Variants in HLF observed in about 807,000 individuals in gnomAD.
The protein encoded by HLF is hepatic leukemia factor.
In HLF, 3 loss-of-function variants were observed where a neutral mutation model predicts 22.6. The ratio of observed to expected loss-of-function variants is 0.13; its 90% CI spans 0.06 to 0.34. The LOEUF (loss-of-function observed/expected upper bound fraction) is 0.34. Ranked by LOEUF, HLF falls within the 10% of genes least tolerant of loss-of-function variation. HLF has a pLI of 1.00. For synonymous variants in HLF, 151 were observed against 151.8 expected (o/e 0.99, Z 0.04); for missense variants, 299 against 389.2 (o/e 0.77, Z 1.95).
rs1905348071 is a variant in HLF, at chr17:55,323,720, T to C, written c.*2841T>C. ...TAGCAAACAAGGCAGATCTGCTTCA[T>C]GGAGCGGGAGGCCATGGCTTGACTC... On this transcript the variant is annotated 3_prime_UTR_variant, in exon 4 of 4. Coordinates refer to ENST00000226067, the MANE Select transcript of HLF (RefSeq NM_002126.5). 1 of 230,274 alleles carries C rather than the reference T, an allele frequency of 4.3e-6. No homozygotes were observed. The highest frequency in any genetic ancestry group is 5.7e-5 in the Admixed American group (1 of 17,658). 14.3% of individuals were successfully genotyped at this position (230,274 alleles called of 1,614,324 possible). A position where few individuals can be genotyped will look rare whatever the true frequency, so the allele number is the denominator to read the frequency against.
intron 2 of HLF, among the ~76,000 whole-genome samples, chr17:55,295,101 A>G (rs2081100381): frequency 6.6e-6 from 1 of 152,214 alleles, no homozygotes; most frequent in Non-Finnish European, 1.5e-5. Context: ...GCGAAGAGAT[A>G]TAATTAATTG....
At chr17:55,287,129 A>C (rs1008606221) in intron 2 of HLF, among the ~76,000 whole-genome samples, 8 of 152,242 alleles carry the variant, frequency 5.3e-5, no homozygotes, top group Non-Finnish European at 1.2e-4. Flanking sequence ...TGTTGCAATC[A>C]CATTAGTCAT....
rs2081045305 is a variant in HLF, at chr17:55,290,010, T to C, written c.451+21924T>C. The stretch of plus-strand genomic sequence containing the variant: ...CTCACTGGTACAGAATTCCAAGATA[T>C]TTCGCTTTGGAATGTGAAAGGAGTC... On this transcript the variant is annotated intron_variant, in intron 2 of 3. Coordinates refer to ENST00000226067, the MANE Select transcript of HLF (RefSeq NM_002126.5). Among the ~76,000 whole-genome samples the C allele has an allele frequency of 2.6e-5, 4 of 152,316 alleles. No homozygotes were observed. The South Asian group carries it at 8.3e-4, about 32-fold the overall frequency.
At chr17:55,265,976 C>A in intron 1 of HLF, 1 of 446,258 alleles carries the variant, frequency 2.2e-6, no homozygotes, top group Non-Finnish European at 3.0e-6. Flanking sequence ...GGAGGAGAAA[C>A]CCTGGGGCCT....
intron 2 of HLF, among the ~76,000 whole-genome samples, chr17:55,306,239 T>C (rs1051235718): frequency 4.6e-5 from 7 of 152,088 alleles, no homozygotes; most frequent in Non-Finnish European, 1.0e-4. Flanking sequence ...TTGCTGATAT[T>C]GATTATTCAG....
intron 3 of HLF, among the ~76,000 whole-genome samples, chr17:55,315,939 G>A (rs1054373760): frequency 6.6e-6 from 1 of 152,182 alleles, no homozygotes; most frequent in Admixed American, 6.5e-5. Context: ...TGCCAACCTT[G>A]GATGACCAGG....
intron 2 of HLF, among the ~76,000 whole-genome samples, chr17:55,292,231 T>C (rs1364618503): frequency 6.6e-6 from 1 of 152,200 alleles, no homozygotes; most frequent in Non-Finnish European, 1.5e-5. Context: ...TGCTATCAAA[T>C]AACACCGCGT....
Position 55,321,870 on chromosome 17 carries a change from C to G in HLF, c.*991C>G, listed in dbSNP as rs1905273171. On this transcript the variant is annotated 3_prime_UTR_variant, in exon 4 of 4. Coordinates refer to ENST00000226067, the MANE Select transcript of HLF (RefSeq NM_002126.5). ...GTGTTCGGTTTTGTTGTTCCCCTTC[C>G]CTCACACCCTGCCTCGCCCCCACTT... The G allele has an allele frequency of 8.6e-6, 2 of 232,020 alleles. No homozygotes were observed. Among genetic ancestry groups the G allele is most frequent in the Admixed American group, 5.6e-5 (1 of 17,704 alleles). The allele number at this position is 232,020 out of a possible 1,614,324, so 14.4% of individuals were successfully genotyped here.
At chr17:55,296,693 T>C (rs2081114344) in intron 2 of HLF, among the ~76,000 whole-genome samples, 1 of 152,234 alleles carries the variant, frequency 6.6e-6, no homozygotes, top group African/African-American at 2.4e-5. Flanking sequence ...TTCCATTCTT[T>C]GTACACTTGT....
chr17:55,315,432 C>G lies in HLF; in HGVS notation c.657C>G (p.Ile219Met). ...TCAAGAAAGCTCGCAAAGTCTTCAT[C>G]CCTGATGACCTGAAGGTAAATTGGA... ...PMIKKARKVF[I>M]PDDLKDDKYW... Residue 219 changes from isoleucine (I) to methionine (M), a missense_variant, in exon 3 of 4, where the codon ATC becomes ATG. Ile to Met is a conservative substitution (Grantham distance 10). This residue lies in a region of HLF where 224 missense variants were observed against 298.1 expected (regional missense o/e 0.75). Coordinates refer to ENST00000226067, the MANE Select transcript of HLF (RefSeq NM_002126.5). The G allele has an allele frequency of 6.2e-7, 1 of 1,613,258 alleles. No individual in the cohort carries two copies. Among genetic ancestry groups the G allele is most frequent in the Non-Finnish European group, 8.5e-7 (1 of 1,179,206 alleles).
chr17:55,265,732 ATGAAAT>A (rs2080781590), intron 1 of HLF, 133 bp downstream of exon 1: 1 of 1,131,134 alleles, frequency 8.8e-7, no homozygotes, highest in Non-Finnish European at 1.2e-6. Flanking sequence ...CCCCGCGCTG[ATGAAAT>A]TGAGGAGCTC....
intron 3 of HLF, among the ~76,000 whole-genome samples, chr17:55,315,857 T>G (rs1327320113): frequency 6.6e-6 from 1 of 152,236 alleles, no homozygotes; most frequent in Non-Finnish European, 1.5e-5. Flanking sequence ...AGAAAATTTT[T>G]GATAATTTGC....
At chr17:55,285,905 C>T (rs553045808) in intron 2 of HLF, among the ~76,000 whole-genome samples, 3 of 152,334 alleles carry the variant, frequency 2.0e-5, no homozygotes, top group East Asian at 3.9e-4. Flanking sequence ...TCATCTTCTT[C>T]GCGGTGCCCA....
intron 2 of HLF, among the ~76,000 whole-genome samples, chr17:55,300,186 G>A (rs2081144987): frequency 6.6e-6 from 1 of 152,178 alleles, no homozygotes; most frequent in African/African-American, 2.4e-5. Context: ...AGGAGGCACA[G>A]TGACCGCTCT....
At chr17:55,279,239 A>C (rs1046344133) in intron 2 of HLF, among the ~76,000 whole-genome samples, 11 of 152,202 alleles carry the variant, frequency 7.2e-5, no homozygotes, top group Non-Finnish European at 1.0e-4. Flanking sequence ...ATATTTAGTT[A>C]TTGGCTTCCT....
chr17:55,279,047 T>C (rs1310059030), intron 2 of HLF, among the ~76,000 whole-genome samples: 1 of 152,258 alleles, frequency 6.6e-6, no homozygotes, highest in African/African-American at 2.4e-5. Flanking sequence ...GATTGATTTC[T>C]TTGTATTAGT....
At chr17:55,293,920 G>A (rs2081089058) in intron 2 of HLF, among the ~76,000 whole-genome samples, 1 of 152,140 alleles carries the variant, frequency 6.6e-6, no homozygotes, top group Admixed American at 6.6e-5. Context: ...ATGCACCTCT[G>A]GGGAGGCCCT....
intron 2 of HLF, among the ~76,000 whole-genome samples, chr17:55,276,091 G>A (rs1032475942): frequency 6.6e-6 from 1 of 152,210 alleles, no homozygotes; most frequent in Non-Finnish European, 1.5e-5. Context: ...CTGGGTAACA[G>A]AGTGCAACCC....
intron 2 of HLF, among the ~76,000 whole-genome samples, chr17:55,287,060 T>C (rs2145324713): frequency 6.6e-6 from 1 of 152,314 alleles, no homozygotes. Flanking sequence ...GGCTGGTAGA[T>C]GCATTAGCTC....
Sources: allele counts gnomAD v4.1 joint callset (sites outside exome capture counted in the v4.1 genomes callset), GRCh38; gene constraint gnomAD v4.1.1; regional missense constraint gnomAD v4.1.1; transcripts MANE v1.5; gene names NCBI Gene and HGNC (gene_info 2026-07-23, HGNC 2026-07-21).